Variants in GABRG3 observed in about 807,000 individuals in gnomAD.
GABRG3 encodes the protein gamma-aminobutyric acid receptor subunit gamma-3.
A neutral mutation model predicts 48.8 loss-of-function variants in GABRG3; 25 were observed. The ratio of observed to expected loss-of-function variants is 0.51; its 90% confidence interval spans 0.37 to 0.72. The LOEUF (loss-of-function observed/expected upper bound fraction) is 0.72, where lower values mean the gene tolerates loss of function less well. Ranked by LOEUF, GABRG3 falls within the 30% of genes least tolerant of loss-of-function variation. The pLI is 0.00. For synonymous variants in GABRG3, 227 were observed against 217.6 expected (o/e 1.04, Z -0.38); for missense variants, 394 against 577.9 (o/e 0.68, Z 3.26).
chr15:27,160,156 C>T (rs1887125086), intron 3 of GABRG3, among the ~76,000 whole-genome samples: 1 of 152,128 alleles, frequency 6.6e-6, no homozygotes, highest in Admixed American at 6.5e-5. Flanking sequence ...AGAATATTCT[C>T]CAGGAATCTT....
chr15:27,065,381 T>C (rs897552742), intron 3 of GABRG3, among the ~76,000 whole-genome samples: 9 of 152,232 alleles, frequency 5.9e-5, no homozygotes, highest in African/African-American at 2.2e-4. Context: ...GGCTGTTACA[T>C]TATTATTGCA....
At chr15:27,192,430 A>G (rs1323043720) in intron 3 of GABRG3, among the ~76,000 whole-genome samples, 1 of 152,036 alleles carries the variant, frequency 6.6e-6, no homozygotes, top group Non-Finnish European at 1.5e-5. Context: ...GTTTCTTTTT[A>G]TTCTTTTTTC....
At chr15:27,274,119 T>A (rs1386262001) in intron 3 of GABRG3, among the ~76,000 whole-genome samples, 2 of 152,144 alleles carry the variant, frequency 1.3e-5, no homozygotes, top group African/African-American at 4.8e-5. Context: ...GACATAAGCA[T>A]TCCAGGAGGA....
chr15:27,300,469 G>GCCTGA (rs1892159195), intron 3 of GABRG3, among the ~76,000 whole-genome samples: 1 of 150,362 alleles, frequency 6.7e-6, no homozygotes, highest in Non-Finnish European at 1.5e-5. Context: ...TTGGAGACCA[G>GCCTGA]CCTGACCAAC....
rs189518137 is a variant in GABRG3 at position 27,378,118 on chromosome 15, A to G, written c.574+49230A>G. 1.1e-4 allele frequency among the ~76,000 whole-genome samples: 17 copies of G among 152,344 alleles called. No individual in the cohort carries two copies. In the East Asian group the frequency reaches 3.3e-3, roughly 29 times the overall value. On this transcript the variant is annotated intron_variant, in intron 5 of 9. Transcript: ENST00000615808. ...TATCCCTTCCTACGGAAAGAAAAAAAAAAACATTTTAGCTGATGTCATGAT... is the reference window on the plus strand; with the variant it reads ...TATCCCTTCCTACGGAAAGAAAAAAGAAAACATTTTAGCTGATGTCATGAT...
chr15:27,404,425 T>TCTGGCC (rs1222484159), intron 5 of GABRG3, among the ~76,000 whole-genome samples: 2 of 152,162 alleles, frequency 1.3e-5, no homozygotes, highest in Non-Finnish European at 2.9e-5. Context: ...GATGCACCCA[T>TCTGGCC]CTGGCCCCTG....
intron 6 of GABRG3, among the ~76,000 whole-genome samples, chr15:27,507,269 T>G (rs1281266612): frequency 6.6e-6 from 1 of 152,144 alleles, no homozygotes; most frequent in Non-Finnish European, 1.5e-5. Flanking sequence ...TTTTTCAGGC[T>G]GAGGCAGGTG....
intron 3 of GABRG3, among the ~76,000 whole-genome samples, chr15:27,057,670 G>C (rs550288873): frequency 3.9e-5 from 6 of 152,190 alleles, no homozygotes; most frequent in Non-Finnish European, 7.4e-5. Flanking sequence ...ATGTCCTTCA[G>C]GTGTTTCCTA....
chr15:27,265,095 C>T (rs1215680277), intron 3 of GABRG3, among the ~76,000 whole-genome samples: 3 of 152,126 alleles, frequency 2.0e-5, no homozygotes, highest in Non-Finnish European at 2.9e-5. Flanking sequence ...CTTTAAACCA[C>T]CCCATACCAA....
chr15:27,388,607 G>C (rs190505552), intron 5 of GABRG3, among the ~76,000 whole-genome samples: 2 of 152,144 alleles, frequency 1.3e-5, no homozygotes, highest in Non-Finnish European at 2.9e-5. Flanking sequence ...GTCACTCAAA[G>C]AGCTGTGGGG....
chr15:27,181,654 A>G (rs534307670), intron 3 of GABRG3, among the ~76,000 whole-genome samples: 20 of 152,266 alleles, frequency 1.3e-4, no homozygotes, highest in African/African-American at 3.6e-4. Context: ...TTATATATCT[A>G]TGGCAAATAC....
intron 3 of GABRG3, among the ~76,000 whole-genome samples, chr15:27,027,891 T>G (rs2140683401): frequency 6.6e-6 from 1 of 152,298 alleles, no homozygotes; most frequent in Non-Finnish European, 1.5e-5. Context: ...TGTTCTGGAG[T>G]TTTATTTTCT....
At chr15:27,296,602 T>C (rs533017948) in intron 3 of GABRG3, among the ~76,000 whole-genome samples, 1 of 152,216 alleles carries the variant, frequency 6.6e-6, no homozygotes, top group South Asian at 2.1e-4. Context: ...CATAAGATTA[T>C]AATGGAAATG....
intron 5 of GABRG3, among the ~76,000 whole-genome samples, chr15:27,418,028 T>G (rs1430555743): frequency 6.6e-6 from 1 of 152,200 alleles, no homozygotes; most frequent in Non-Finnish European, 1.5e-5. Context: ...GCTCAGGAGA[T>G]GTGCCTGAGA....
At chr15:27,189,651 A>G (rs1380533273) in intron 3 of GABRG3, among the ~76,000 whole-genome samples, 1 of 152,174 alleles carries the variant, frequency 6.6e-6, no homozygotes, top group Non-Finnish European at 1.5e-5. Flanking sequence ...GGTTTTCTAG[A>G]TATACAGTCA....
intron 3 of GABRG3, among the ~76,000 whole-genome samples, chr15:27,188,985 A>G (rs1229291675): frequency 5.9e-5 from 9 of 152,072 alleles, no homozygotes; most frequent in African/African-American, 1.7e-4. Context: ...TGAATAGGGA[A>G]TCCTTTCCCC....
chr15:27,151,881 A>C (rs1279512517), intron 3 of GABRG3, among the ~76,000 whole-genome samples: 1 of 152,138 alleles, frequency 6.6e-6, no homozygotes, highest in African/African-American at 2.4e-5. Context: ...TTCTGAGAAC[A>C]CTTTATCTAT....
chr15:27,464,467 G>T (rs1459098890), intron 5 of GABRG3, among the ~76,000 whole-genome samples: 7 of 152,158 alleles, frequency 4.6e-5, no homozygotes, highest in Non-Finnish European at 1.0e-4. Context: ...AAGTTTTGGT[G>T]TGATTGTGTA....
chr15:27,067,387 T>C (rs1566925815), intron 3 of GABRG3, among the ~76,000 whole-genome samples: 1 of 152,212 alleles, frequency 6.6e-6, no homozygotes, highest in East Asian at 1.9e-4. Flanking sequence ...TCTCGTGATG[T>C]ATGATGGAGG....
Sources: gnomAD v4.1 joint callset for allele counts (sites outside exome capture counted in the v4.1 genomes callset) on GRCh38, gnomAD v4.1.1 for gene constraint, MANE v1.5 for transcripts, NCBI Gene and HGNC (gene_info 2026-07-23, HGNC 2026-07-21) for gene names.